CMC1: variants seen among roughly 807,000 people sequenced by gnomAD.
CMC1 encodes the protein COX assembly mitochondrial protein homolog.
CMC1 carries 14 observed loss-of-function variants against 14.1 expected under a neutral mutation model. The observed-to-expected ratio is 0.99, with a 90% CI of 0.66 to 1.55. The LOEUF (loss-of-function observed/expected upper bound fraction) is 1.55, where lower values mean the gene tolerates loss of function less well. CMC1 is among the 40% of genes most tolerant of loss of function. CMC1 has a pLI of 0.00. For missense variants in CMC1, 127 were observed against 123.8 expected, an observed-to-expected ratio of 1.03 and a Z score of -0.12; for synonymous variants, 50 against 38.4, an observed-to-expected ratio of 1.30 and a Z score of -1.12.
In CMC1 at chr3:28,323,197, A is replaced by G. The variant is rs1410254957; in HGVS notation, c.*3568A>G. ...GCAGCTAGCTGTAGTCTCTTTGAAG[A>G]AAATGACTTTTTATCATTACACACA... On this transcript the variant is annotated 3_prime_UTR_variant, in exon 4 of 4. Transcript: ENST00000466830. 8 of 151,176 alleles carry G rather than the reference A, an allele frequency of 5.3e-5. No homozygotes were observed. Among genetic ancestry groups the G allele is most frequent in the Admixed American group, 4.0e-4 (6 of 15,120 alleles). 9.4% of individuals were successfully genotyped at this position (151,176 alleles called of 1,614,324 possible).
chr3:28,246,573 C>T (rs1698839807), intron 1 of CMC1, among the ~76,000 whole-genome samples: 2 of 152,142 alleles, frequency 1.3e-5, no homozygotes, highest in African/African-American at 4.8e-5. Flanking sequence ...TGATCTCAGC[C>T]ACATACTGCA....
At chr3:28,318,478 GTTCTC>G (rs1377435938) in intron 3 of CMC1, 1 of 151,780 alleles carries the variant, frequency 6.6e-6, no homozygotes, top group African/African-American at 2.4e-5. Context: ...GATTCCCCAA[GTTCTC>G]TTCTCATTCT....
intron 2 of CMC1, among the ~76,000 whole-genome samples, chr3:28,266,573 G>A (rs1700014047): frequency 1.3e-5 from 2 of 151,640 alleles, no homozygotes; most frequent in South Asian, 4.2e-4. Context: ...CAACTCCTGG[G>A]CTCAAACAAG....
intron 2 of CMC1, among the ~76,000 whole-genome samples, chr3:28,272,465 T>C (rs539376636): frequency 4.7e-4 from 71 of 152,300 alleles, no homozygotes; most frequent in Non-Finnish European, 7.9e-4. Flanking sequence ...CTTTTTTGCA[T>C]CTGTTGAGAT....
chr3:28,276,224 T>A (rs1373240520), intron 2 of CMC1, among the ~76,000 whole-genome samples: 2 of 152,146 alleles, frequency 1.3e-5, no homozygotes, highest in Non-Finnish European at 2.9e-5. Flanking sequence ...TGCAGCTGTT[T>A]CTAGTCAGCC....
At chr3:28,286,375 G>T (rs1559424780) in intron 2 of CMC1, among the ~76,000 whole-genome samples, 1 of 152,110 alleles carries the variant, frequency 6.6e-6, no homozygotes, top group Non-Finnish European at 1.5e-5. Flanking sequence ...ATATAGGGTT[G>T]TTATTGAAAT....
chr3:28,260,409 G>C (rs1317252732), intron 1 of CMC1, among the ~76,000 whole-genome samples: 7 of 151,952 alleles, frequency 4.6e-5, no homozygotes, highest in Admixed American at 4.6e-4. Context: ...TAGTTGTCAA[G>C]TTCATTGGCC....
chr3:28,324,518 C>T lies in CMC1; in HGVS notation c.*4889C>T. On this transcript the variant is annotated 3_prime_UTR_variant, in exon 4 of 4. Coordinates refer to ENST00000466830, the MANE Select transcript of CMC1 (RefSeq NM_182523.2). ...CATTTGTGATCATAAAATTCGATAA[C>T]ACTTCACCAATTTGAATTCTAGAAC... 1 of 1,338,600 alleles carries T rather than the reference C, an allele frequency of 7.5e-7. No individual in the cohort carries two copies. The highest frequency in any genetic ancestry group is 9.8e-7 in the Non-Finnish European group (1 of 1,016,382). The allele number at this position is 1,338,600 out of a possible 1,614,324, so 82.9% of individuals were successfully genotyped here. A position where few individuals can be genotyped will look rare whatever the true frequency, so the allele number is the denominator to read the frequency against.
At chr3:28,257,934 T>A (rs2125448078) in intron 1 of CMC1, among the ~76,000 whole-genome samples, 1 of 152,184 alleles carries the variant, frequency 6.6e-6, no homozygotes, top group Admixed American at 6.5e-5. Flanking sequence ...ATATGAAAGT[T>A]GCAGATGCTT....
chr3:28,308,760 G>A (rs571662230), intron 2 of CMC1, among the ~76,000 whole-genome samples: 5 of 152,074 alleles, frequency 3.3e-5, no homozygotes, highest in South Asian at 4.2e-4. Context: ...CGAGGTGGGC[G>A]GATCACAAGG....
intron 1 of CMC1, among the ~76,000 whole-genome samples, chr3:28,248,071 G>A (rs757311813): frequency 5.3e-5 from 8 of 152,172 alleles, no homozygotes; most frequent in Admixed American, 4.6e-4. Flanking sequence ...TATAACCTAT[G>A]TATAGAGTTG....
intron 2 of CMC1, among the ~76,000 whole-genome samples, chr3:28,313,107 T>C (rs2125605472): frequency 6.6e-6 from 1 of 152,268 alleles, no homozygotes; most frequent in African/African-American, 2.4e-5. Flanking sequence ...TCCACCCACC[T>C]TAGCCCCCAA....
intron 2 of CMC1, among the ~76,000 whole-genome samples, chr3:28,290,553 TAGA>T (rs900605398): frequency 6.6e-6 from 1 of 152,182 alleles, no homozygotes; most frequent in Non-Finnish European, 1.5e-5. Context: ...GGTTGGATCC[TAGA>T]AGAATTCTTT....
At chr3:28,244,603 C>T (rs1274225812) in intron 1 of CMC1, among the ~76,000 whole-genome samples, 1 of 152,126 alleles carries the variant, frequency 6.6e-6, no homozygotes, top group African/African-American at 2.4e-5. Context: ...GTGGCACACG[C>T]CTGTAGTCCC....
chr3:28,262,415 C>CT (rs1229139190), intron 1 of CMC1, among the ~76,000 whole-genome samples: 2 of 152,088 alleles, frequency 1.3e-5, no homozygotes, highest in South Asian at 2.1e-4. Flanking sequence ...CCTATATATA[C>CT]TTTTTTCACC....
intron 1 of CMC1, among the ~76,000 whole-genome samples, chr3:28,258,339 T>A (rs186796179): frequency 1.2e-4 from 18 of 151,818 alleles, no homozygotes; most frequent in African/African-American, 3.9e-4. Context: ...AATTTATTTT[T>A]ACTGCCTTAT....
At chr3:28,289,296 A>G (rs2125543236) in intron 2 of CMC1, among the ~76,000 whole-genome samples, 1 of 152,046 alleles carries the variant, frequency 6.6e-6, no homozygotes, top group East Asian at 1.9e-4. Flanking sequence ...TCATTTAGAT[A>G]GTTTCTTTTT....
At position 28,295,884 on chromosome 3, in the gene CMC1, T is replaced by TG. The variant is rs570824865; in HGVS notation, c.110-20442dup. 2.8e-4 allele frequency among the ~76,000 whole-genome samples: 42 copies of TG among 152,030 alleles called. No individual in the cohort carries two copies. The South Asian group carries it at 7.5e-3, about 27-fold the overall frequency. On this transcript the variant is annotated intron_variant, in intron 2 of 3. Coordinates refer to ENST00000466830, the MANE Select transcript of CMC1 (RefSeq NM_182523.2). ...CCCACAGATAAGGAATGGTATTTAT[T>TG]GGGGGGGAAAAACCCATGTATAAGT...
intron 2 of CMC1, among the ~76,000 whole-genome samples, chr3:28,289,229 G>A (rs1701347848): frequency 6.6e-6 from 1 of 151,664 alleles, no homozygotes; most frequent in South Asian, 2.1e-4. Flanking sequence ...AATTTTTTTA[G>A]TTAAATTCTA....
Sources: allele counts gnomAD v4.1 joint callset (sites outside exome capture counted in the v4.1 genomes callset), GRCh38; gene constraint gnomAD v4.1.1; transcripts MANE v1.5; gene names NCBI Gene and HGNC (gene_info 2026-07-23, HGNC 2026-07-21).